Variants in DIRAS2 observed in about 807,000 individuals in gnomAD.
DIRAS2 encodes GTP-binding protein Di-Ras2.
In DIRAS2, 5 loss-of-function variants were observed where a neutral mutation model predicts 13.9. That is an observed-to-expected ratio of 0.36 (90% CI 0.19 to 0.76). The LOEUF (loss-of-function observed/expected upper bound fraction) is 0.76. Ranked by LOEUF, DIRAS2 falls within the 30% of genes least tolerant of loss-of-function variation. The pLI, the probability that DIRAS2 is intolerant of heterozygous loss-of-function variation, is 0.53. For missense variants in DIRAS2, 191 were observed against 263.0 expected (o/e 0.73, Z 1.89); for synonymous variants, 111 against 105.4 (o/e 1.05, Z -0.33).
chr9:90,631,657 G>A (rs139587600), intron 1 of DIRAS2, among the ~76,000 whole-genome samples: 149 of 152,140 alleles, frequency 9.8e-4, no homozygotes, highest in African/African-American at 3.3e-3. Context: ...CTCTTCCTTC[G>A]CTGCTACTCT....
intron 1 of DIRAS2, among the ~76,000 whole-genome samples, chr9:90,641,841 C>A (rs1021171068): frequency 1.1e-4 from 16 of 152,168 alleles, no homozygotes; most frequent in African/African-American, 3.9e-4. Context: ...CTTCTCACAT[C>A]TGAAGGGATC....
chr9:90,639,230 T>C (rs929763239), intron 1 of DIRAS2, among the ~76,000 whole-genome samples: 7 of 152,154 alleles, frequency 4.6e-5, no homozygotes, highest in African/African-American at 1.7e-4. Flanking sequence ...AGGGATTAGA[T>C]AAAGAAATGG....
chr9:90,618,215 G>A (rs1412020075), intron 1 of DIRAS2, among the ~76,000 whole-genome samples: 2 of 152,142 alleles, frequency 1.3e-5, no homozygotes, highest in South Asian at 2.1e-4. Context: ...ACTAACACAG[G>A]ATACACAGAT....
chr9:90,638,189 A>T (rs1825387555), intron 1 of DIRAS2, among the ~76,000 whole-genome samples: 1 of 152,154 alleles, frequency 6.6e-6, no homozygotes, highest in Non-Finnish European at 1.5e-5. Context: ...CAACAACTTG[A>T]TTTATTTCTG....
chr9:90,613,610 C>A lies in DIRAS2; in HGVS notation c.218G>T (p.Arg73Leu), dbSNP rs552701958. The change falls in exon 2 of 2, where the codon CGG becomes CTG. Residue 73 changes from arginine to leucine, a missense_variant. By Grantham distance (102) the Arg-to-Leu change is moderately radical. Transcript: ENST00000375765. The surrounding 1 kb of genome is among the most constrained non-coding windows in gnomAD (Gnocchi z 5.6). The part of the protein sequence containing the change: ...TGSHQFPAMQ[R>L]LSISKGHAFI... ...GGCGTGCCCTTTGGAGATGGACAGC[C>A]GCTGCATGGCCGGGAACTGGTGGCT... 6.2e-7 allele frequency: 1 copy of A among 1,614,114 alleles called. No homozygotes were observed. The highest frequency in any genetic ancestry group is 2.2e-5 in the East Asian group (1 of 44,866).
intron 1 of DIRAS2, among the ~76,000 whole-genome samples, chr9:90,614,103 G>C (rs528728687): frequency 6.6e-6 from 1 of 152,188 alleles, no homozygotes; most frequent in Non-Finnish European, 1.5e-5. Context: ...GAGCATCTTT[G>C]CTCCCACATA....
intron 1 of DIRAS2, among the ~76,000 whole-genome samples, chr9:90,619,355 A>C (rs1825198349): frequency 6.6e-6 from 1 of 152,156 alleles, no homozygotes; most frequent in Non-Finnish European, 1.5e-5. Flanking sequence ...AGGCAGGAGA[A>C]TCACTTGAAC....
intron 1 of DIRAS2, among the ~76,000 whole-genome samples, chr9:90,618,270 T>C (rs186398639): frequency 6.6e-6 from 1 of 152,184 alleles, no homozygotes; most frequent in Non-Finnish European, 1.5e-5. Context: ...AACCCTCATA[T>C]TTACAGTCAA....
intron 1 of DIRAS2, among the ~76,000 whole-genome samples, chr9:90,637,570 CTT>C (rs1345196945): frequency 3.9e-5 from 6 of 152,348 alleles, no homozygotes; most frequent in African/African-American, 1.4e-4. Context: ...TTATCAAACT[CTT>C]TGATCCCTTC....
In DIRAS2 at chr9:90,616,387, A is replaced by C. The variant is rs1408081384; in HGVS notation, c.-36-2524T>G. ...CTCAGAATCAAGTAAAGCAGACATCAATCCAAAAGATAACTTCATAAATAT... is the reference window on the plus strand; with the variant it reads ...CTCAGAATCAAGTAAAGCAGACATCCATCCAAAAGATAACTTCATAAATAT... On this transcript the variant is annotated intron_variant, in intron 1 of 1. Transcript: ENST00000375765. Among the ~76,000 whole-genome samples, 3 of 152,210 alleles carry C rather than the reference A, an allele frequency of 2.0e-5. No homozygotes were observed. The East Asian group carries it at 5.8e-4, about 29-fold the overall frequency.
intron 1 of DIRAS2, among the ~76,000 whole-genome samples, chr9:90,615,351 C>A (rs1825159558): frequency 6.6e-6 from 1 of 152,116 alleles, no homozygotes; most frequent in Non-Finnish European, 1.5e-5. Context: ...GAATCCCAAA[C>A]CCTCCAAGAA....
At chr9:90,632,069 C>G (rs534052375) in intron 1 of DIRAS2, among the ~76,000 whole-genome samples, 1 of 152,310 alleles carries the variant, frequency 6.6e-6, no homozygotes, top group Non-Finnish European at 1.5e-5. Context: ...AGCAGGCTCT[C>G]CAGGCATTAT....
At chr9:90,626,884 C>G (rs1191517166) in intron 1 of DIRAS2, among the ~76,000 whole-genome samples, 1 of 152,182 alleles carries the variant, frequency 6.6e-6, no homozygotes, top group African/African-American at 2.4e-5. Context: ...AATGAATAAA[C>G]AAAATGCAGT....
At chr9:90,624,752 G>A (rs144008734) in intron 1 of DIRAS2, among the ~76,000 whole-genome samples, 3,559 of 150,122 alleles carry the variant, frequency 0.024, 141 homozygotes, top group African/African-American at 0.083. Context: ...TCACTCTGTC[G>A]CCAGGCTGGA....
At position 90,612,965 on chromosome 9, in the gene DIRAS2, A is replaced by C; in HGVS notation, c.*263T>G. The C allele has an allele frequency of 2.1e-6, 1 of 475,862 alleles. No individual in the cohort carries two copies. Among genetic ancestry groups the C allele is most frequent in the Non-Finnish European group, 3.8e-6 (1 of 264,550 alleles). 29.5% of individuals were successfully genotyped at this position (475,862 alleles called of 1,614,324 possible). On this transcript the variant is annotated 3_prime_UTR_variant, in exon 2 of 2. Transcript: ENST00000375765. Reference sequence around the variant, plus strand: ...CCTTCGGGTGTTCATCGCCACCTTCAGCAATTGCTGGCACCTCTCAGTTCC... The same window carrying C: ...CCTTCGGGTGTTCATCGCCACCTTCCGCAATTGCTGGCACCTCTCAGTTCC...
chr9:90,613,690 T>C lies in DIRAS2; in HGVS notation c.138A>G (p.Gln46=), dbSNP rs765925431. The C allele has an allele frequency of 6.2e-7, 1 of 1,614,050 alleles. No individual in the cohort carries two copies. The highest frequency in any genetic ancestry group is 1.3e-5 in the African/African-American group (1 of 74,910). The part of the protein sequence containing the change: ...YIPTVEDTYR[Q]VISCDKSICT... ...ATATGCTCTTGTCACAGCTGATCACTTGCCGGTAGGTGTCTTCCACCGTCG... is the reference window on the plus strand; with the variant it reads ...ATATGCTCTTGTCACAGCTGATCACCTGCCGGTAGGTGTCTTCCACCGTCG... Residue 46 remains glutamine (Q), a synonymous_variant, in exon 2 of 2, where the codon CAA becomes CAG. Transcript: ENST00000375765. This position sits in a 1 kb window ranked among gnomAD's most constrained non-coding sequence, Gnocchi z 5.6.
At chr9:90,620,421 A>G (rs1297541316) in intron 1 of DIRAS2, among the ~76,000 whole-genome samples, 21 of 152,354 alleles carry the variant, frequency 1.4e-4, no homozygotes, top group Non-Finnish European at 2.9e-5. Context: ...TATTCATACC[A>G]TGAAAAGCAG....
chr9:90,639,676 C>A (rs1825401441), intron 1 of DIRAS2, among the ~76,000 whole-genome samples: 1 of 152,166 alleles, frequency 6.6e-6, no homozygotes, highest in Admixed American at 6.5e-5. Context: ...ACAATAAACC[C>A]CTAGGCTGCA....
At chr9:90,620,321 T>C (rs1825208488) in intron 1 of DIRAS2, among the ~76,000 whole-genome samples, 1 of 152,162 alleles carries the variant, frequency 6.6e-6, no homozygotes, top group Non-Finnish European at 1.5e-5. Flanking sequence ...AAATAACCTG[T>C]TAAAGGTAAC....
Sources: allele counts gnomAD v4.1 joint callset (sites outside exome capture counted in the v4.1 genomes callset), GRCh38; gene constraint gnomAD v4.1.1; non-coding constraint Gnocchi (gnomAD v3.1); transcripts MANE v1.5; gene names NCBI Gene and HGNC (gene_info 2026-07-23, HGNC 2026-07-21).